The following HIVEP1 variants were observed in gnomAD, a reference collection of about 807,000 sequenced individuals.
HIVEP1 encodes the protein zinc finger protein 40.
HIVEP1 carries 36 observed loss-of-function variants against 180.0 expected under a neutral mutation model. The ratio of observed to expected loss-of-function variants is 0.20; its 90% CI spans 0.15 to 0.26. The LOEUF (loss-of-function observed/expected upper bound fraction) is 0.26. HIVEP1 is among the 10% of genes least tolerant of loss of function. The probability of loss-of-function intolerance (pLI) is 1.00; values close to 1 mark genes in which losing one functional copy is unlikely to be tolerated. For synonymous variants in HIVEP1, 1,239 were observed against 1,239.0 expected (o/e 1.00, Z 0.00); for missense variants, 3,143 against 3,268.7 (o/e 0.96, Z 0.94).
intron 2 of HIVEP1, among the ~76,000 whole-genome samples, chr6:12,018,237 C>A (rs142044011): frequency 3.9e-5 from 6 of 152,340 alleles, no homozygotes; most frequent in African/African-American, 1.4e-4. Context: ...ACAAGCGCCA[C>A]GCGCGGCCCC....
chr6:12,204,991 G>T, the HIVEP1 span, among the ~76,000 whole-genome samples: 1 of 152,188 alleles, frequency 6.6e-6, no homozygotes, highest in Non-Finnish European at 1.5e-5. Flanking sequence ...AACAACCGGT[G>T]CAAAGGCACT....
intron 3 of HIVEP1, among the ~76,000 whole-genome samples, chr6:12,105,387 C>T (rs1375558954): frequency 6.6e-6 from 1 of 152,188 alleles, no homozygotes; most frequent in Non-Finnish European, 1.5e-5. Flanking sequence ...TTTGAATAGA[C>T]AAACCCTCCC....
chr6:12,177,895 TTTGA>T, the HIVEP1 span, among the ~76,000 whole-genome samples: 6 of 152,210 alleles, frequency 3.9e-5, no homozygotes, highest in Admixed American at 6.5e-5. Flanking sequence ...TTTAAAAGAA[TTTGA>T]TTAATTTATA....
chr6:12,039,007 GT>G (rs1197404269), intron 2 of HIVEP1: 1 of 152,156 alleles, frequency 6.6e-6, no homozygotes, highest in African/African-American at 2.4e-5. Flanking sequence ...TAGAATGAAT[GT>G]TGTTACCCCT....
chr6:12,109,509 C>T (rs1000468935), intron 3 of HIVEP1, among the ~76,000 whole-genome samples: 2 of 152,236 alleles, frequency 1.3e-5, no homozygotes, highest in African/African-American at 2.4e-5. Context: ...ACAGCATCTT[C>T]ACCAGAAATA....
At chr6:12,127,941 T>C (rs1208609973) in intron 4 of HIVEP1, among the ~76,000 whole-genome samples, 1 of 152,180 alleles carries the variant, frequency 6.6e-6, no homozygotes, top group African/African-American at 2.4e-5. Context: ...TATCCACAAC[T>C]CAAATGTTAA....
chr6:12,074,651 CGT>C (rs1289912126), intron 2 of HIVEP1, among the ~76,000 whole-genome samples: 1 of 109,008 alleles, frequency 9.2e-6, no homozygotes, highest in Non-Finnish European at 2.4e-5. Context: ...TGTGCGCGCG[CGT>C]GCATGTCCTT....
chr6:12,089,087 A>G (rs999256247), intron 2 of HIVEP1, 97 bp from the exon 3 acceptor site: 6 of 604,552 alleles, frequency 9.9e-6, no homozygotes, highest in Admixed American at 9.0e-5. Flanking sequence ...ATTTTTTACT[A>G]GGTATCTGAC....
intron 3 of HIVEP1, among the ~76,000 whole-genome samples, chr6:12,112,479 G>A (rs1181646756): frequency 6.6e-6 from 1 of 151,608 alleles, no homozygotes; most frequent in African/African-American, 2.4e-5. Flanking sequence ...TTGGATGTAT[G>A]GTTTGTTGTT....
chr6:12,124,336 T>C lies in HIVEP1; in HGVS notation c.4541T>C (p.Leu1514Ser). 1.2e-6 allele frequency: 2 copies of C among 1,614,098 alleles called. No homozygotes were observed. Among genetic ancestry groups the C allele is most frequent in the East Asian group, 4.5e-5 (2 of 44,880 alleles). ...FPVQQLCDIN[L>S]LNQIHAPPSH... ...GTTCAACAGCTCTGTGATATCAATTTGTTAAATCAAATCCATGCACCGCCT... is the reference window on the plus strand; with the variant it reads ...GTTCAACAGCTCTGTGATATCAATTCGTTAAATCAAATCCATGCACCGCCT... The change falls in exon 4 of 9, where the codon TTG becomes TCG. Residue 1514 changes from leucine (L) to serine (S), a missense_variant. By Grantham distance (145) the Leu-to-Ser change is moderately radical. Transcript: ENST00000379388.
At chr6:12,133,495 A>G (rs1329720857) in intron 6 of HIVEP1, among the ~76,000 whole-genome samples, 1 of 152,224 alleles carries the variant, frequency 6.6e-6, no homozygotes, top group African/African-American at 2.4e-5. Context: ...CACACTTTCA[A>G]TATTTTGTAT....
upstream of HIVEP1, among the ~76,000 whole-genome samples, chr6:12,011,278 CCCCCCCG>C (rs1767274689): frequency 1.9e-5 from 2 of 103,436 alleles, no homozygotes; most frequent in African/African-American, 7.5e-5. Flanking sequence ...GGTCCCCCCC[CCCCCCCG>C]CCTCCCCCTC....
At position 12,164,095 on chromosome 6, in the gene HIVEP1, C is replaced by G; in HGVS notation, c.7791C>G (p.Thr2597=). The G allele has an allele frequency of 1.2e-6, 2 of 1,614,134 alleles. No homozygotes were observed. Among genetic ancestry groups the G allele is most frequent in the South Asian group, 1.1e-5 (1 of 91,082 alleles). ...CCAGCGCAAACCAGGTCAGCAGGAC[C>G]GAGTCTCCTCAGGGGTTACCTACAG... ...SVASANQVSR[T]ESPQGLPTVQ... is the part of the protein sequence containing the mutation. The change falls in exon 9 of 9, where the codon ACC becomes ACG. Residue 2597 remains threonine (T), a synonymous_variant. Coordinates refer to ENST00000379388, the MANE Select transcript of HIVEP1 (RefSeq NM_002114.4).
chr6:12,099,321 C>T (rs1773968228), intron 3 of HIVEP1, among the ~76,000 whole-genome samples: 1 of 152,042 alleles, frequency 6.6e-6, no homozygotes, highest in Admixed American at 6.5e-5. Context: ...GCGCCCGCCA[C>T]TACGCCCGGC....
rs147300449 is a variant in HIVEP1 at position 12,160,732 on chromosome 6, T to G, written c.6488-707T>G. 5.1e-3 allele frequency among the ~76,000 whole-genome samples: 772 copies of G among 152,378 alleles called. 3 individuals carry two copies. The highest frequency in any genetic ancestry group is 0.018 in the African/African-American group (728 of 41,598). Reference sequence around the variant, plus strand: ...GAAGTAACAGTGATTAGTGACTGCCTGTCCACGGTTAAGCTATAGAATGTG... The same window carrying G: ...GAAGTAACAGTGATTAGTGACTGCCGGTCCACGGTTAAGCTATAGAATGTG... On this transcript the variant is annotated intron_variant, in intron 7 of 8. Coordinates refer to ENST00000379388, the MANE Select transcript of HIVEP1 (RefSeq NM_002114.4).
In HIVEP1 at chr6:12,121,275, G is replaced by A; in HGVS notation, c.1480G>A (p.Glu494Lys). The A allele has an allele frequency of 6.2e-7, 1 of 1,614,172 alleles. No individual in the cohort carries two copies. Among genetic ancestry groups the A allele is most frequent in the Non-Finnish European group, 8.5e-7 (1 of 1,180,048 alleles). ...SIHSDVEDSGESEEEGATDER... is the reference protein window; with the variant it reads ...SIHSDVEDSGKSEEEGATDER... ...TCATTCAGACGTAGAAGACAGTGGG[G>A]AGAGCGAGGAGGAAGGCGCCACTGA... Residue 494 changes from glutamate to lysine, a missense_variant, in exon 4 of 9, where the codon GAG becomes AAG. Glu to Lys is a moderately conservative substitution (Grantham distance 56, BLOSUM62 1). Transcript: ENST00000379388. The surrounding 1 kb of genome is among the most constrained non-coding windows in gnomAD (Gnocchi z 5.3).
Position 12,124,359 on chromosome 6 carries a change from C to T in HIVEP1, c.4564C>T (p.Pro1522Ser), listed in dbSNP as rs1356413556. The T allele has an allele frequency of 8.7e-6, 14 of 1,614,086 alleles. No individual in the cohort carries two copies. In the South Asian group the frequency reaches 1.1e-4, roughly 13 times the overall value. ...INLLNQIHAP[P>S]SHQSTQLSLQ... The stretch of plus-strand genomic sequence containing the variant: ...TTTGTTAAATCAAATCCATGCACCG[C>T]CTAGCCACCAGAGCACACAGCTATC... The change falls in exon 4 of 9, where the codon CCT becomes TCT. Residue 1522 changes from proline (P) to serine (S), a missense_variant. Transcript: ENST00000379388.
intron 2 of HIVEP1, among the ~76,000 whole-genome samples, chr6:12,078,184 C>T (rs1445321001): frequency 6.6e-6 from 1 of 151,990 alleles, no homozygotes; most frequent in African/African-American, 2.4e-5. Flanking sequence ...AGATGCCAAG[C>T]AAAGCATTGA....
At position 12,121,082 on chromosome 6, in the gene HIVEP1, T is replaced by C; in HGVS notation, c.1287T>C (p.Thr429=). Residue 429 remains threonine (T), a synonymous_variant, in exon 4 of 9, where the codon ACT becomes ACC. Coordinates refer to ENST00000379388, the MANE Select transcript of HIVEP1 (RefSeq NM_002114.4). This position sits in a 1 kb window ranked among gnomAD's most constrained non-coding sequence, Gnocchi z 5.3. The part of the protein sequence containing the change: ...SVLLKHIRSH[T]GERPYPCVTC... The stretch of plus-strand genomic sequence containing the variant: ...TTTTAAAGCATATCCGCTCCCACAC[T>C]GGAGAGCGACCCTATCCCTGTGTGA... 6.2e-7 allele frequency: 1 copy of C among 1,613,900 alleles called. No individual in the cohort carries two copies. Among genetic ancestry groups the C allele is most frequent in the Non-Finnish European group, 8.5e-7 (1 of 1,179,742 alleles).
Sources: allele counts gnomAD v4.1 joint callset (sites outside exome capture counted in the v4.1 genomes callset), GRCh38; gene constraint gnomAD v4.1.1; non-coding constraint Gnocchi (gnomAD v3.1); transcripts MANE v1.5; gene names NCBI Gene and HGNC (gene_info 2026-07-23, HGNC 2026-07-21).